EIF4H: variants seen among roughly 807,000 people sequenced by gnomAD.
The protein encoded by EIF4H is Williams-Beuren syndrome chromosome region 1.
EIF4H carries 8 observed loss-of-function variants against 30.6 expected under a neutral mutation model. That is an observed-to-expected ratio of 0.26 (90% CI 0.15 to 0.47). The LOEUF is 0.47. EIF4H is among the 20% of genes least tolerant of loss of function. The probability of loss-of-function intolerance (pLI) is 0.99; values close to 1 mark genes in which losing one functional copy is unlikely to be tolerated. For missense variants in EIF4H, 188 were observed against 339.5 expected (o/e 0.55, Z 3.51); for synonymous variants, 106 against 122.7 (o/e 0.86, Z 0.90).
chr7:74,175,885 AT>A (rs1800828260), intron 1 of EIF4H, among the ~76,000 whole-genome samples: 1 of 152,140 alleles, frequency 6.6e-6, no homozygotes, highest in Admixed American at 6.6e-5. Context: ...CTTCAGACAC[AT>A]TTGCCAGCTC....
In EIF4H at chr7:74,174,453, C is replaced by A. The variant is rs1800788397; in HGVS notation, c.59+11C>A. 2.1e-6 allele frequency: 3 copies of A among 1,423,894 alleles called. No individual in the cohort carries two copies. The highest frequency in any genetic ancestry group is 1.5e-5 in the South Asian group (1 of 65,636). 88.2% of individuals were successfully genotyped at this position (1,423,894 alleles called of 1,614,324 possible). ...CGGCGGCGGCAGAGGGTGAGGCGGG[C>A]GTGCGCGGGCCCCGTCGGGGGCTGC... On this transcript the variant is annotated intron_variant, in intron 1 of 6. Coordinates refer to ENST00000265753, the MANE Select transcript of EIF4H (RefSeq NM_022170.2).
In EIF4H at chr7:74,179,498, G is replaced by C. The variant is rs1279996436; in HGVS notation, c.59+5056G>C. 3.3e-5 allele frequency among the ~76,000 whole-genome samples: 5 copies of C among 152,134 alleles called. No individual in the cohort carries two copies. In the East Asian group the frequency reaches 5.8e-4, roughly 18 times the overall value. On this transcript the variant is annotated intron_variant, in intron 1 of 6. Transcript: ENST00000265753. ...AACACAAAAACTAGCTGGGCATGGT[G>C]GTGGGCCCCTGTAGTCCCAGCTACT...
At chr7:74,186,355 A>G (rs929793606) in intron 1 of EIF4H, among the ~76,000 whole-genome samples, 6 of 151,770 alleles carry the variant, frequency 4.0e-5, no homozygotes, top group Admixed American at 2.0e-4. Context: ...CTGGGATTAC[A>G]GGCATGCACC....
At position 74,184,643 on chromosome 7, in the gene EIF4H, C is replaced by G. The variant is rs976652368; in HGVS notation, c.60-2968C>G. On this transcript the variant is annotated intron_variant, in intron 1 of 6. Coordinates refer to ENST00000265753, the MANE Select transcript of EIF4H (RefSeq NM_022170.2). ...GGTTTTCCACATGTTTATACTGTATCTTGTTTTTTGTTTGTTTGGTTTTGT... is the reference window on the plus strand; with the variant it reads ...GGTTTTCCACATGTTTATACTGTATGTTGTTTTTTGTTTGTTTGGTTTTGT... 2.0e-5 allele frequency among the ~76,000 whole-genome samples: 3 copies of G among 151,408 alleles called. No individual in the cohort carries two copies. The Admixed American group carries it at 2.0e-4, about 10-fold the overall frequency.
rs1554710481 is a variant in EIF4H at position 74,194,891 on chromosome 7, G to C, written c.607+13G>C. On this transcript the variant is annotated intron_variant, in intron 6 of 6. Coordinates refer to ENST00000265753, the MANE Select transcript of EIF4H (RefSeq NM_022170.2). ...GAACCCACAGAAGGTACGGGCTCAT[G>C]TGTCAGTGGAGGGCATCTTGTCCTG... The C allele has an allele frequency of 1.3e-6, 2 of 1,579,750 alleles. No homozygotes were observed. Among genetic ancestry groups the C allele is most frequent in the Non-Finnish European group, 1.7e-6 (2 of 1,154,980 alleles).
At chr7:74,183,354 C>T (rs1280301234) in intron 1 of EIF4H, among the ~76,000 whole-genome samples, 14 of 152,172 alleles carry the variant, frequency 9.2e-5, no homozygotes, top group African/African-American at 3.4e-4. Flanking sequence ...ACACGCACTC[C>T]TGCCAGCCCA....
chr7:74,184,458 C>T (rs1048967979), intron 1 of EIF4H, among the ~76,000 whole-genome samples: 4 of 152,168 alleles, frequency 2.6e-5, no homozygotes, highest in African/African-American at 4.8e-5. Flanking sequence ...CACATTCATA[C>T]ACACAAACAT....
rs1224674104 is a variant in EIF4H at position 74,196,618 on chromosome 7, C to T, written c.*1310C>T. 3 of 151,616 alleles carry T rather than the reference C, an allele frequency of 2.0e-5. No homozygotes were observed. Among genetic ancestry groups the T allele is most frequent in the Non-Finnish European group, 2.9e-5 (2 of 67,920 alleles). 9.4% of individuals were successfully genotyped at this position (151,616 alleles called of 1,614,324 possible). ...CTATGGGGAGCAGTTTGGGGGCGGC[C>T]GGCAGCAGGAGCCTGGGAAAGAGGC... On this transcript the variant is annotated 3_prime_UTR_variant, in exon 7 of 7. Transcript: ENST00000265753.
intron 1 of EIF4H, among the ~76,000 whole-genome samples, chr7:74,182,594 A>G (rs1224376248): frequency 1.3e-5 from 2 of 152,184 alleles, no homozygotes; most frequent in African/African-American, 4.8e-5. Context: ...GATGTGTCTC[A>G]TAATTTGGAG....
chr7:74,186,135 A>C (rs1390307083), intron 1 of EIF4H, among the ~76,000 whole-genome samples: 2 of 152,128 alleles, frequency 1.3e-5, no homozygotes, highest in East Asian at 3.8e-4. Flanking sequence ...CCATCTTGGC[A>C]CTTCACTTCT....
In EIF4H at chr7:74,195,194, C is replaced by G. The variant is rs147260624; in HGVS notation, c.633C>G (p.Leu211=). ...AGGAAAGAGCACAGAGACCACGACTCCAGCTTAAACCTCGAACAGTCGCGA... is the reference window on the plus strand; with the variant it reads ...AGGAAAGAGCACAGAGACCACGACTGCAGCTTAAACCTCGAACAGTCGCGA... The part of the protein sequence containing the change: ...TEEERAQRPR[L]QLKPRTVATP... The change falls in exon 7 of 7, where the codon CTC becomes CTG. Residue 211 remains leucine, a synonymous_variant. Coordinates refer to ENST00000265753, the MANE Select transcript of EIF4H (RefSeq NM_022170.2). 4.3e-6 allele frequency: 7 copies of G among 1,613,976 alleles called. No individual in the cohort carries two copies. In the Admixed American group the frequency reaches 1.2e-4, roughly 27 times the overall value.
At chr7:74,182,307 A>C (rs75330779) in intron 1 of EIF4H, among the ~76,000 whole-genome samples, 2,424 of 152,308 alleles carry the variant, frequency 0.016, 52 homozygotes, top group African/African-American at 0.052. Flanking sequence ...GTATTTATCA[A>C]AGGCTTGACC....
rs1312041115 is a variant in EIF4H at position 74,195,628 on chromosome 7, G to A, written c.*320G>A. 4.2e-5 allele frequency: 10 copies of A among 237,258 alleles called. No homozygotes were observed. The highest frequency in any genetic ancestry group is 7.4e-5 in the Non-Finnish European group (9 of 121,418). 14.7% of individuals were successfully genotyped at this position (237,258 alleles called of 1,614,324 possible). On this transcript the variant is annotated 3_prime_UTR_variant, in exon 7 of 7. Coordinates refer to ENST00000265753, the MANE Select transcript of EIF4H (RefSeq NM_022170.2). ...CCTCGGAGGAGCAGAGGTGGCCGCC[G>A]TGGGGGGGCGTTTGGGCTGCGGTGC...
intron 1 of EIF4H, among the ~76,000 whole-genome samples, chr7:74,177,266 A>G (rs1364031222): frequency 6.6e-6 from 1 of 152,244 alleles, no homozygotes; most frequent in Non-Finnish European, 1.5e-5. Context: ...TTAGAATTCT[A>G]ACCTTTGAAT....
At chr7:74,189,560 C>A in intron 2 of EIF4H, 113 bp from the exon 3 acceptor site, 1 of 1,198,394 alleles carries the variant, frequency 8.3e-7, no homozygotes, top group Non-Finnish European at 1.2e-6. Flanking sequence ...AGTCTGCCAT[C>A]ATCTAGACAA....
chr7:74,177,209 A>G (rs1800860783), intron 1 of EIF4H, among the ~76,000 whole-genome samples: 1 of 152,162 alleles, frequency 6.6e-6, no homozygotes, highest in African/African-American at 2.4e-5. Flanking sequence ...TCAGCCTCCC[A>G]AAGTGTTGGG....
At chr7:74,177,436 A>G (rs782208067) in intron 1 of EIF4H, among the ~76,000 whole-genome samples, 1 of 152,174 alleles carries the variant, frequency 6.6e-6, no homozygotes, top group Non-Finnish European at 1.5e-5. Context: ...CATCACCACT[A>G]TCCAGCTCCT....
chr7:74,175,520 G>A (rs1171289246), intron 1 of EIF4H, among the ~76,000 whole-genome samples: 1 of 152,186 alleles, frequency 6.6e-6, no homozygotes, highest in African/African-American at 2.4e-5. Flanking sequence ...ACAAAAGCTT[G>A]TTTCGGGGCA....
chr7:74,193,082 C>G (rs1163136192), intron 5 of EIF4H, among the ~76,000 whole-genome samples: 1 of 152,118 alleles, frequency 6.6e-6, no homozygotes, highest in African/African-American at 2.4e-5. Context: ...GTCTGTGGTG[C>G]CATCATTTCA....
Sources: allele counts gnomAD v4.1 joint callset (sites outside exome capture counted in the v4.1 genomes callset), GRCh38; gene constraint gnomAD v4.1.1; transcripts MANE v1.5; gene names NCBI Gene and HGNC (gene_info 2026-07-23, HGNC 2026-07-21).